The following CCN4 variants were observed in gnomAD, a reference collection of about 807,000 sequenced individuals.
CCN4 encodes the protein cellular communication network factor 4, also known as CCN family member 4.
CCN4 carries 30 observed loss-of-function variants against 36.7 expected under a neutral mutation model. The observed-to-expected ratio is 0.82, with a 90% CI of 0.61 to 1.11. The LOEUF (loss-of-function observed/expected upper bound fraction) is 1.11. CCN4 is among the 50% of genes least tolerant of loss of function. The pLI, the probability that CCN4 is intolerant of heterozygous loss-of-function variation, is 0.00. For synonymous variants in CCN4, 191 were observed against 195.4 expected, an observed-to-expected ratio of 0.98 and a Z score of 0.19; for missense variants, 505 against 504.9, an observed-to-expected ratio of 1.00 and a Z score of 0.00.
rs1459567746 is a variant in CCN4, at chr8:133,210,302, T to C, written c.70-2562T>C. Reference sequence around the variant, plus strand: ...TCCTGAGTGTGGTGGCTCTGAGAGATGGTCTGCTAGTGCTCATGAGGCTCT... The same window carrying C: ...TCCTGAGTGTGGTGGCTCTGAGAGACGGTCTGCTAGTGCTCATGAGGCTCT... On this transcript the variant is annotated intron_variant, in intron 1 of 4. Transcript: ENST00000250160. Among the ~76,000 whole-genome samples the C allele has an allele frequency of 5.9e-5, 9 of 151,798 alleles. No homozygotes were observed. In the South Asian group the frequency reaches 1.9e-3, roughly 32 times the overall value.
intron 2 of CCN4, among the ~76,000 whole-genome samples, chr8:133,218,111 G>T (rs1255363446): frequency 6.6e-6 from 1 of 152,158 alleles, no homozygotes; most frequent in African/African-American, 2.4e-5. Context: ...GTGGAGTCAG[G>T]TCTCCTGGGT....
At chr8:133,202,132 A>G (rs1853609774) in intron 1 of CCN4, among the ~76,000 whole-genome samples, 1 of 152,208 alleles carries the variant, frequency 6.6e-6, no homozygotes. Context: ...GGTCTTGTGC[A>G]GTTAAATGAA....
In CCN4 at chr8:133,227,458, C is replaced by A; in HGVS notation, c.852C>A (p.Asn284Lys). ...TGTACCAGCCAGAGGCATCCATGAACTTCACACTTGCGGGCTGCATCAGCA... is the reference window on the plus strand; with the variant it reads ...TGTACCAGCCAGAGGCATCCATGAAATTCACACTTGCGGGCTGCATCAGCA... ...LAVYQPEASM[N>K]FTLAGCISTR... Residue 284 changes from asparagine to lysine, a missense_variant, in exon 5 of 5, where the codon AAC (asparagine) becomes AAA (lysine). By Grantham distance (94) the Asn-to-Lys change is moderately conservative (BLOSUM62 0). Coordinates refer to ENST00000250160, the MANE Select transcript of CCN4 (RefSeq NM_003882.4). 1.2e-6 allele frequency: 2 copies of A among 1,614,178 alleles called. No individual in the cohort carries two copies. The highest frequency in any genetic ancestry group is 8.5e-7 in the Non-Finnish European group (1 of 1,180,030).
Position 133,208,203 on chromosome 8 carries a change from G to A in CCN4, c.70-4661G>A, listed in dbSNP as rs549486042. Among the ~76,000 whole-genome samples, 27 of 152,226 alleles carry A rather than the reference G, an allele frequency of 1.8e-4. No homozygotes were observed. The South Asian group carries it at 5.0e-3, about 28-fold the overall frequency. On this transcript the variant is annotated intron_variant, in intron 1 of 4. Transcript: ENST00000250160. The stretch of plus-strand genomic sequence containing the variant: ...ATCAGCCAGAGTCACTGAGGGCTAG[G>A]GCAAGACAGTCCCCAAGTGGTCATC...
At chr8:133,223,300 C>T (rs538279565) in intron 3 of CCN4, among the ~76,000 whole-genome samples, 3 of 152,200 alleles carry the variant, frequency 2.0e-5, no homozygotes, top group Non-Finnish European at 4.4e-5. Flanking sequence ...CCTGCCTAGC[C>T]GAGGTGACCC....
intron 1 of CCN4, among the ~76,000 whole-genome samples, chr8:133,201,703 C>T (rs1417972694): frequency 6.6e-6 from 1 of 151,964 alleles, no homozygotes; most frequent in African/African-American, 2.4e-5. Flanking sequence ...ATTAGCAGGG[C>T]CTGGTGGGAG....
At chr8:133,196,879 T>C (rs1853406596) in intron 1 of CCN4, among the ~76,000 whole-genome samples, 2 of 152,176 alleles carry the variant, frequency 1.3e-5, no homozygotes, top group South Asian at 4.1e-4. Flanking sequence ...GAGCAGGGGT[T>C]TATAAAGACC....
chr8:133,206,694 T>C (rs1454022117), intron 1 of CCN4, among the ~76,000 whole-genome samples: 1 of 152,080 alleles, frequency 6.6e-6, no homozygotes, highest in Non-Finnish European at 1.5e-5. Flanking sequence ...CGAGGGATGC[T>C]CAGGGGATGA....
At chr8:133,214,831 C>T (rs528935041) in intron 2 of CCN4, among the ~76,000 whole-genome samples, 3 of 152,274 alleles carry the variant, frequency 2.0e-5, no homozygotes, top group East Asian at 1.9e-4. Context: ...ATATACACCC[C>T]GTCACATAGT....
chr8:133,211,000 G>A (rs921355941), intron 1 of CCN4, among the ~76,000 whole-genome samples: 2 of 152,172 alleles, frequency 1.3e-5, no homozygotes, highest in African/African-American at 2.4e-5. Flanking sequence ...GCTTCAAGTC[G>A]GGTTTTGTCT....
chr8:133,220,686 G>A lies in CCN4; in HGVS notation c.455G>A (p.Gly152Asp), dbSNP rs756561584. ...TGCACGTGCATCGACGGCGCGGTGG[G>A]CTGCACACCACTGTGCCTCCGAGTG... Reference protein sequence around the residue: ...YNCTCIDGAVGCTPLCLRVRP... With the variant: ...YNCTCIDGAVDCTPLCLRVRP... Residue 152 changes from glycine (G) to aspartate (D), a missense_variant, in exon 3 of 5, where the codon GGC becomes GAC. Physicochemically the swap from Gly to Asp is moderately conservative, Grantham distance 94 (BLOSUM62 -1). Coordinates refer to ENST00000250160, the MANE Select transcript of CCN4 (RefSeq NM_003882.4). 1 of 1,613,976 alleles carries A rather than the reference G, an allele frequency of 6.2e-7. No homozygotes were observed. The highest frequency in any genetic ancestry group is 1.7e-5 in the Admixed American group (1 of 60,032).
intron 1 of CCN4, among the ~76,000 whole-genome samples, chr8:133,212,543 G>A (rs1286733390): frequency 2.6e-5 from 4 of 151,950 alleles, no homozygotes; most frequent in Non-Finnish European, 2.9e-5. Flanking sequence ...TGTAAAGTGA[G>A]GCCACCTCCC....
chr8:133,229,464 C>T lies in CCN4; in HGVS notation c.*1754C>T, dbSNP rs1304886286. On this transcript the variant is annotated 3_prime_UTR_variant, in exon 5 of 5. Coordinates refer to ENST00000250160, the MANE Select transcript of CCN4 (RefSeq NM_003882.4). ...ATCCAGGAATCCCCTGTAGCTTATT[C>T]CCTCTTTCCCATCGGAACCAGCTCT... 5 of 152,334 alleles carry T rather than the reference C, an allele frequency of 3.3e-5. No individual in the cohort carries two copies. The highest frequency in any genetic ancestry group is 3.3e-4 in the Admixed American group (5 of 15,306). 9.4% of individuals were successfully genotyped at this position (152,334 alleles called of 1,614,324 possible).
At position 133,231,126 on chromosome 8, in the gene CCN4, T is replaced by C. The variant is rs1197196581; in HGVS notation, c.*3416T>C. 6.6e-6 allele frequency: 1 copy of C among 152,218 alleles called. No individual in the cohort carries two copies. The highest frequency in any genetic ancestry group is 2.4e-5 in the African/African-American group (1 of 41,456). The allele number at this position is 152,218 out of a possible 1,614,324, so 9.4% of individuals were successfully genotyped here. On this transcript the variant is annotated 3_prime_UTR_variant, in exon 5 of 5. Transcript: ENST00000250160. Reference sequence around the variant, plus strand: ...AATTATCAAAGATAGTAGATTCGAATGACATGATTGTCTATAATCTCGCTA... The same window carrying C: ...AATTATCAAAGATAGTAGATTCGAACGACATGATTGTCTATAATCTCGCTA...
intron 2 of CCN4, among the ~76,000 whole-genome samples, chr8:133,217,456 G>A (rs1442395022): frequency 6.6e-6 from 1 of 152,198 alleles, no homozygotes; most frequent in African/African-American, 2.4e-5. Flanking sequence ...AGATTAGATA[G>A]GAGGTAGTGA....
chr8:133,220,567 A>G lies in CCN4; in HGVS notation c.350-14A>G, dbSNP rs1231427100. The G allele has an allele frequency of 6.2e-7, 1 of 1,605,778 alleles. No individual in the cohort carries two copies. The highest frequency in any genetic ancestry group is 1.3e-5 in the African/African-American group (1 of 74,770). On this transcript the variant is annotated splice_polypyrimidine_tract_variant and intron_variant, in intron 2 of 4. Transcript: ENST00000250160. ...CCAAGGCCACTGGGCCTGACCGGCCACCTGTGTTTGCAGAGGTGGTCGGTG... is the reference window on the plus strand; with the variant it reads ...CCAAGGCCACTGGGCCTGACCGGCCGCCTGTGTTTGCAGAGGTGGTCGGTG...
chr8:133,202,366 T>G (rs780464337), intron 1 of CCN4, among the ~76,000 whole-genome samples: 8 of 152,206 alleles, frequency 5.3e-5, no homozygotes, highest in Non-Finnish European at 1.2e-4. Flanking sequence ...CGTTCCTGTC[T>G]CCTTGGAGGC....
At chr8:133,222,283 A>C (rs893422209) in intron 3 of CCN4, among the ~76,000 whole-genome samples, 3 of 152,076 alleles carry the variant, frequency 2.0e-5, no homozygotes, top group Non-Finnish European at 4.4e-5. Flanking sequence ...ATGTCAATCT[A>C]ATGCATGGGG....
At chr8:133,223,919 G>A (rs1005751275) in intron 3 of CCN4, among the ~76,000 whole-genome samples, 3 of 152,124 alleles carry the variant, frequency 2.0e-5, no homozygotes, top group Non-Finnish European at 4.4e-5. Context: ...TTCTAGATGC[G>A]GGAGATACAT....
Sources: gnomAD v4.1 joint callset for allele counts (sites outside exome capture counted in the v4.1 genomes callset) on GRCh38, gnomAD v4.1.1 for gene constraint, MANE v1.5 for transcripts, NCBI Gene and HGNC (gene_info 2026-07-23, HGNC 2026-07-21) for gene names.